The following MAP2K4 variants were observed in gnomAD, a reference collection of about 807,000 sequenced individuals.
MAP2K4 encodes dual specificity mitogen-activated protein kinase kinase 4.
Under a neutral mutation model 48.5 loss-of-function variants are expected in MAP2K4, and 4 were observed. That is an observed-to-expected ratio of 0.08 (90% CI 0.04 to 0.19). The LOEUF is 0.19. MAP2K4 is among the 10% of genes least tolerant of loss of function. The pLI, the probability that MAP2K4 is intolerant of heterozygous loss-of-function variation, is 1.00. For synonymous variants in MAP2K4, 166 were observed against 173.1 expected, an observed-to-expected ratio of 0.96 and a Z score of 0.32; for missense variants, 258 against 493.3, an observed-to-expected ratio of 0.52 and a Z score of 4.52.
chr17:12,109,643 C>T (rs1161960658), intron 5 of MAP2K4, among the ~76,000 whole-genome samples: 1 of 152,174 alleles, frequency 6.6e-6, no homozygotes, highest in Non-Finnish European at 1.5e-5. Flanking sequence ...ACAGAGTTTA[C>T]ACTAGCTCTT....
intron 7 of MAP2K4, among the ~76,000 whole-genome samples, chr17:12,113,871 A>G (rs931243055): frequency 1.3e-5 from 2 of 152,172 alleles, no homozygotes; most frequent in Admixed American, 6.5e-5. Flanking sequence ...ACAGATGTAC[A>G]CTATCCATCC....
At chr17:12,034,163 CAA>C (rs1430009239) in intron 1 of MAP2K4, among the ~76,000 whole-genome samples, 1 of 152,140 alleles carries the variant, frequency 6.6e-6, no homozygotes, top group Non-Finnish European at 1.5e-5. Context: ...AGATATAAAA[CAA>C]GAGAAACATT....
chr17:12,080,987 T>C (rs1282073443), intron 2 of MAP2K4, among the ~76,000 whole-genome samples: 1 of 152,240 alleles, frequency 6.6e-6, no homozygotes, highest in Non-Finnish European at 1.5e-5. Flanking sequence ...TTTGCAGCTC[T>C]TGGGATTCTC....
chr17:12,113,365 G>GT lies in MAP2K4; in HGVS notation c.813+6dup, dbSNP rs1310878220. ...GGCTGTAGGCCATACATGGCAGTAA[G>GT]TGTTAAGTCCAGGCCTTCTTGCTTG... On this transcript the variant is annotated splice_donor_region_variant and intron_variant, in intron 7 of 10. Coordinates refer to ENST00000353533, the MANE Select transcript of MAP2K4 (RefSeq NM_003010.4). The GT allele has an allele frequency of 8.1e-6, 13 of 1,613,406 alleles. No homozygotes were observed. Among genetic ancestry groups the GT allele is most frequent in the Non-Finnish European group, 1.1e-5 (13 of 1,179,516 alleles).
chr17:12,059,132 A>G (rs927411630), intron 2 of MAP2K4, among the ~76,000 whole-genome samples: 2 of 152,248 alleles, frequency 1.3e-5, no homozygotes, highest in African/African-American at 4.8e-5. Context: ...CAGAAAATGC[A>G]TATTATAATA....
intron 7 of MAP2K4, among the ~76,000 whole-genome samples, chr17:12,115,246 T>C (rs1567667166): frequency 6.6e-6 from 1 of 152,212 alleles, no homozygotes; most frequent in Non-Finnish European, 1.5e-5. Flanking sequence ...CATACCCTCA[T>C]GTAGGTACAC....
chr17:12,121,327 TC>T (rs1033162895), intron 7 of MAP2K4, among the ~76,000 whole-genome samples: 4 of 152,078 alleles, frequency 2.6e-5, no homozygotes, highest in Non-Finnish European at 5.9e-5. Context: ...ATCGAAACAC[TC>T]AGGTTCCAAG....
chr17:12,101,754 A>G (rs1418245965), intron 4 of MAP2K4, among the ~76,000 whole-genome samples: 1 of 152,040 alleles, frequency 6.6e-6, no homozygotes, highest in Non-Finnish European at 1.5e-5. Context: ...CTTTTGCTAG[A>G]GTTGCCCTTA....
intron 2 of MAP2K4, among the ~76,000 whole-genome samples, chr17:12,066,538 CTTCT>C (rs1567641816): frequency 1.3e-5 from 2 of 151,930 alleles, no homozygotes; most frequent in Admixed American, 6.6e-5. Flanking sequence ...TCTTCTTCTT[CTTCT>C]TTGTTTTTTG....
chr17:12,108,951 C>T (rs1008258592), intron 5 of MAP2K4, among the ~76,000 whole-genome samples: 9 of 151,600 alleles, frequency 5.9e-5, no homozygotes, highest in South Asian at 2.1e-4. Flanking sequence ...ATATTAAACC[C>T]GTGTTATCTT....
At chr17:12,090,116 C>T (rs1042523092) in intron 3 of MAP2K4, among the ~76,000 whole-genome samples, 4 of 152,168 alleles carry the variant, frequency 2.6e-5, no homozygotes, top group African/African-American at 7.2e-5. Flanking sequence ...CTTTTTTACT[C>T]TTGAGTCTTT....
chr17:12,041,537 A>G (rs1969782101), intron 1 of MAP2K4, among the ~76,000 whole-genome samples: 1 of 152,240 alleles, frequency 6.6e-6, no homozygotes, highest in African/African-American at 2.4e-5. Flanking sequence ...AAGCCAGAAG[A>G]TGTCTGACTA....
chr17:12,094,343 T>C (rs1271916358), intron 3 of MAP2K4, among the ~76,000 whole-genome samples: 1 of 152,264 alleles, frequency 6.6e-6, no homozygotes, highest in Non-Finnish European at 1.5e-5. Context: ...CTTAAACAAC[T>C]GCTTATTCTC....
At chr17:12,079,451 T>G (rs1321766722) in intron 2 of MAP2K4, among the ~76,000 whole-genome samples, 2 of 152,202 alleles carry the variant, frequency 1.3e-5, no homozygotes, top group African/African-American at 4.8e-5. Flanking sequence ...ATATCATCTT[T>G]ACCATATTCT....
intron 2 of MAP2K4, among the ~76,000 whole-genome samples, chr17:12,063,856 C>G (rs191530107): frequency 6.6e-6 from 1 of 151,568 alleles, no homozygotes; most frequent in East Asian, 2.0e-4. Context: ...GCTGTAACCC[C>G]AGCTACTTGG....
intron 1 of MAP2K4, among the ~76,000 whole-genome samples, chr17:12,050,505 G>A (rs551227331): frequency 6.6e-6 from 1 of 152,254 alleles, no homozygotes; most frequent in Admixed American, 6.5e-5. Flanking sequence ...CTTAATAGAG[G>A]AACTGACACC....
chr17:12,055,433 T>C (rs1350341020), intron 2 of MAP2K4, among the ~76,000 whole-genome samples: 2 of 152,082 alleles, frequency 1.3e-5, no homozygotes, highest in East Asian at 3.8e-4. Flanking sequence ...TACATTAACC[T>C]TCAATTGAAT....
At chr17:12,127,886 A>G (rs1293044814) in intron 8 of MAP2K4, among the ~76,000 whole-genome samples, 2 of 152,240 alleles carry the variant, frequency 1.3e-5, no homozygotes, top group Non-Finnish European at 2.9e-5. Flanking sequence ...TGACAGAGGC[A>G]TCCTTTAGGG....
intron 2 of MAP2K4, chr17:12,069,694 A>T: frequency 9.9e-7 from 1 of 1,014,850 alleles, no homozygotes; most frequent in Non-Finnish European, 1.2e-6. Context: ...TGGTAGTGCC[A>T]GGAAGCAGGC....
Sources: gnomAD v4.1 joint callset for allele counts (sites outside exome capture counted in the v4.1 genomes callset) on GRCh38, gnomAD v4.1.1 for gene constraint, MANE v1.5 for transcripts, NCBI Gene and HGNC (gene_info 2026-07-23, HGNC 2026-07-21) for gene names.